PPM1L: variants seen among roughly 807,000 people sequenced by gnomAD.
PPM1L encodes protein phosphatase, Mg2+/Mn2+ dependent 1L, also known as protein phosphatase 1L.
A neutral mutation model predicts 31.4 loss-of-function variants in PPM1L; 13 were observed. The observed-to-expected ratio is 0.41, with a 90% CI of 0.27 to 0.66. The LOEUF is 0.66. Among genes scored for constraint, PPM1L ranks in the 30% least tolerant of loss-of-function variants. The pLI is 0.29. For missense variants in PPM1L, 326 were observed against 453.7 expected (o/e 0.72, Z 2.56); for synonymous variants, 184 against 175.4 (o/e 1.05, Z -0.39).
intron 1 of PPM1L, among the ~76,000 whole-genome samples, chr3:160,907,268 T>C (rs563022149): frequency 1.3e-5 from 2 of 152,314 alleles, no homozygotes; most frequent in East Asian, 1.9e-4. Context: ...TGTAAAAATA[T>C]AGATAGTGAG....
At chr3:160,820,091 G>C (rs867762005) in intron 1 of PPM1L, among the ~76,000 whole-genome samples, 16 of 152,150 alleles carry the variant, frequency 1.1e-4, no homozygotes, top group Middle Eastern at 3.4e-3. Context: ...CAAAGGTGAG[G>C]AGACCAGTTG....
chr3:161,076,430 A>G lies in PPM1L; in HGVS notation c.*7273A>G, dbSNP rs888098556. ...TTATTGTTTTATCTCAAGCATATAC[A>G]GTGTGCAGAAAGTAGAATAATGAAT... is the stretch of plus-strand genomic sequence containing the variant. On this transcript the variant is annotated 3_prime_UTR_variant, in exon 4 of 4. Coordinates refer to ENST00000498165, the MANE Select transcript of PPM1L (RefSeq NM_139245.4). 5.3e-5 allele frequency: 8 copies of G among 152,228 alleles called. No individual in the cohort carries two copies. The highest frequency in any genetic ancestry group is 1.9e-4 in the African/African-American group (8 of 41,462). The allele number at this position is 152,228 out of a possible 1,614,324, so 9.4% of individuals were successfully genotyped here.
intron 1 of PPM1L, among the ~76,000 whole-genome samples, chr3:160,899,918 AT>A (rs1404645270): frequency 6.6e-6 from 1 of 152,056 alleles, no homozygotes; most frequent in Non-Finnish European, 1.5e-5. Flanking sequence ...ATATTTTTTC[AT>A]TGTCTGATGA....
chr3:161,022,136 T>C, intron 2 of PPM1L: 1 of 675,708 alleles, frequency 1.5e-6, no homozygotes, highest in South Asian at 1.6e-5. Flanking sequence ...AATTCCATTT[T>C]TTTTTTTTTT....
intron 1 of PPM1L, among the ~76,000 whole-genome samples, chr3:160,895,052 T>A (rs1186189255): frequency 1.3e-5 from 2 of 152,212 alleles, no homozygotes; most frequent in Non-Finnish European, 2.9e-5. Context: ...AGTCACATTA[T>A]TGCTTAAAAA....
intron 1 of PPM1L, among the ~76,000 whole-genome samples, chr3:160,950,154 A>G (rs1042030368): frequency 6.6e-6 from 1 of 152,108 alleles, no homozygotes. Flanking sequence ...TTTACACTCC[A>G]TTCCCAGGAG....
chr3:160,897,235 G>A (rs902412583), intron 1 of PPM1L, among the ~76,000 whole-genome samples: 22 of 151,960 alleles, frequency 1.4e-4, no homozygotes, highest in Non-Finnish European at 2.9e-4. Flanking sequence ...TAGAGATGGG[G>A]TTTCACCATG....
chr3:160,965,929 A>G (rs1050901109), intron 2 of PPM1L, among the ~76,000 whole-genome samples: 1 of 152,074 alleles, frequency 6.6e-6, no homozygotes, highest in African/African-American at 2.4e-5. Context: ...ACAATTAATG[A>G]AAAAAACACT....
At chr3:160,763,536 C>T (rs1715023880) in intron 1 of PPM1L, among the ~76,000 whole-genome samples, 1 of 152,188 alleles carries the variant, frequency 6.6e-6, no homozygotes, top group African/African-American at 2.4e-5. Context: ...GCTAGGTCCC[C>T]CTGTTGAGCC....
At chr3:160,812,256 A>G (rs1003143370) in intron 1 of PPM1L, among the ~76,000 whole-genome samples, 3 of 152,116 alleles carry the variant, frequency 2.0e-5, no homozygotes, top group African/African-American at 7.2e-5. Context: ...TCTTTCTTAA[A>G]TATAATTGTG....
chr3:161,006,244 C>G (rs868596463), intron 2 of PPM1L, among the ~76,000 whole-genome samples: 5 of 152,026 alleles, frequency 3.3e-5, no homozygotes, highest in Non-Finnish European at 5.9e-5. Context: ...GTGAAATAAG[C>G]TAGACATAAA....
chr3:160,768,793 C>T (rs1455849276), intron 1 of PPM1L, among the ~76,000 whole-genome samples: 1 of 152,154 alleles, frequency 6.6e-6, no homozygotes, highest in Non-Finnish European at 1.5e-5. Flanking sequence ...GGATTAAACA[C>T]TGGAGACAGT....
chr3:160,903,922 C>T (rs1016004788), intron 1 of PPM1L, among the ~76,000 whole-genome samples: 2 of 152,016 alleles, frequency 1.3e-5, no homozygotes, highest in Non-Finnish European at 2.9e-5. Flanking sequence ...CTATATTTAT[C>T]TTGGTAAAAT....
At chr3:161,015,534 T>C (rs1390224546) in intron 2 of PPM1L, among the ~76,000 whole-genome samples, 1 of 152,242 alleles carries the variant, frequency 6.6e-6, no homozygotes. Context: ...CCTGGAGTTA[T>C]TTCTGACACC....
chr3:160,958,676 G>C (rs1391613907), intron 1 of PPM1L, among the ~76,000 whole-genome samples: 1 of 152,146 alleles, frequency 6.6e-6, no homozygotes, highest in Non-Finnish European at 1.5e-5. Flanking sequence ...GCACTAGCTG[G>C]CTGGCAGAGA....
chr3:161,061,686 A>G (rs1424312639), intron 2 of PPM1L, among the ~76,000 whole-genome samples: 1 of 152,238 alleles, frequency 6.6e-6, no homozygotes, highest in East Asian at 1.9e-4. Context: ...GAGGATGTAC[A>G]TAGGTTATAT....
rs564594874 is a variant in PPM1L at position 160,996,677 on chromosome 3, T to C, written c.574+34767T>C. Among the ~76,000 whole-genome samples, 97 of 152,104 alleles carry C rather than the reference T, an allele frequency of 6.4e-4. 1 individual carries two copies. Among genetic ancestry groups the C allele is most frequent in the African/African-American group, 1.8e-3 (74 of 41,500 alleles). Reference sequence around the variant, plus strand: ...GGAGCAAAGGATAAAAGACTACACATTGGGTACAGTGTACACTGCTCTGGT... The same window carrying C: ...GGAGCAAAGGATAAAAGACTACACACTGGGTACAGTGTACACTGCTCTGGT... On this transcript the variant is annotated intron_variant, in intron 2 of 3. Transcript: ENST00000498165.
chr3:160,905,321 A>G (rs886939176), intron 1 of PPM1L, among the ~76,000 whole-genome samples: 5 of 152,114 alleles, frequency 3.3e-5, no homozygotes, highest in Non-Finnish European at 5.9e-5. Context: ...GTAATTCTTA[A>G]TCTCATTATA....
chr3:161,033,732 A>G (rs1718651813), intron 2 of PPM1L, among the ~76,000 whole-genome samples: 1 of 152,230 alleles, frequency 6.6e-6, no homozygotes, highest in Admixed American at 6.5e-5. Context: ...CTAAAACCAT[A>G]AAAACCCTAG....
Sources: gnomAD v4.1 joint callset for allele counts (sites outside exome capture counted in the v4.1 genomes callset) on GRCh38, gnomAD v4.1.1 for gene constraint, MANE v1.5 for transcripts, NCBI Gene and HGNC (gene_info 2026-07-23, HGNC 2026-07-21) for gene names.